Variants in CDH13 observed in about 807,000 individuals in gnomAD.
CDH13 encodes cadherin-13.
In CDH13, 24 loss-of-function variants were observed where a neutral mutation model predicts 63.8. That is an observed-to-expected ratio of 0.38 (90% CI 0.27 to 0.53). The LOEUF (loss-of-function observed/expected upper bound fraction) is 0.53, where lower values mean the gene tolerates loss of function less well. Ranked by LOEUF, CDH13 falls within the 20% of genes least tolerant of loss-of-function variation. The pLI is 0.85. For synonymous variants in CDH13, 503 were observed against 355.3 expected (o/e 1.42, Z -4.67); for missense variants, 1,049 against 903.1 (o/e 1.16, Z -2.07).
intron 6 of CDH13, among the ~76,000 whole-genome samples, chr16:83,455,065 A>T (rs2072985270): frequency 6.6e-6 from 1 of 152,218 alleles, no homozygotes; most frequent in Non-Finnish European, 1.5e-5. Flanking sequence ...GTAATCTTTA[A>T]AATCGGAGCC....
At chr16:83,289,306 G>A (rs1319818340) in intron 5 of CDH13, among the ~76,000 whole-genome samples, 1 of 152,178 alleles carries the variant, frequency 6.6e-6, no homozygotes, top group African/African-American at 2.4e-5. Context: ...TTAATCTCAT[G>A]TATTTTTGGT....
intron 8 of CDH13, among the ~76,000 whole-genome samples, chr16:83,653,710 C>G (rs1407903364): frequency 6.6e-6 from 1 of 152,116 alleles, no homozygotes; most frequent in Non-Finnish European, 1.5e-5. Flanking sequence ...CTTAGGAATT[C>G]TCTTACCCTG....
chr16:83,687,943 CTCTG>C (rs1382968628), intron 10 of CDH13, among the ~76,000 whole-genome samples: 1 of 152,188 alleles, frequency 6.6e-6, no homozygotes, highest in African/African-American at 2.4e-5. Flanking sequence ...TTCTTTGGGG[CTCTG>C]TCTTTTTTAA....
chr16:83,147,542 A>G (rs187407560), intron 4 of CDH13, among the ~76,000 whole-genome samples: 3 of 152,286 alleles, frequency 2.0e-5, no homozygotes, highest in East Asian at 1.9e-4. Context: ...CGACTATCTT[A>G]TCACAGCTGT....
At chr16:83,127,840 C>G (rs1456040941) in intron 4 of CDH13, among the ~76,000 whole-genome samples, 1 of 152,150 alleles carries the variant, frequency 6.6e-6, no homozygotes, top group Non-Finnish European at 1.5e-5. Context: ...GCCAAAGATA[C>G]CTTTCTCTAA....
intron 13 of CDH13, among the ~76,000 whole-genome samples, chr16:83,785,680 T>C (rs1915833357): frequency 6.6e-6 from 1 of 152,182 alleles, no homozygotes; most frequent in African/African-American, 2.4e-5. Context: ...CACTCTTGCA[T>C]AGTATCAGCT....
At chr16:83,534,782 A>G (rs548618028) in intron 7 of CDH13, among the ~76,000 whole-genome samples, 204 of 152,366 alleles carry the variant, frequency 1.3e-3, no homozygotes, top group African/African-American at 4.4e-3. Context: ...TGCTATGAGC[A>G]TGCATTTGCA....
intron 1 of CDH13, among the ~76,000 whole-genome samples, chr16:82,760,297 G>A (rs567875356): frequency 6.6e-6 from 1 of 152,296 alleles, no homozygotes; most frequent in East Asian, 1.9e-4. Flanking sequence ...CAAAATAACA[G>A]GGAGAGATGA....
At chr16:83,090,044 G>C (rs1301087540) in intron 3 of CDH13, among the ~76,000 whole-genome samples, 1 of 152,122 alleles carries the variant, frequency 6.6e-6, no homozygotes, top group Non-Finnish European at 1.5e-5. Flanking sequence ...CTAAAAGTCA[G>C]GGCTTGGGCA....
intron 8 of CDH13, among the ~76,000 whole-genome samples, chr16:83,643,847 A>C (rs1370587492): frequency 6.6e-6 from 1 of 152,150 alleles, no homozygotes; most frequent in African/African-American, 2.4e-5. Flanking sequence ...GAGCCCCCCA[A>C]GTTTCCTGTC....
At chr16:83,197,153 G>C (rs1373446385) in intron 4 of CDH13, among the ~76,000 whole-genome samples, 1 of 152,060 alleles carries the variant, frequency 6.6e-6, no homozygotes, top group Non-Finnish European at 1.5e-5. Context: ...AGAATCTCCA[G>C]GGAATTATGC....
At chr16:82,913,489 C>T (rs2041896843) in intron 2 of CDH13, among the ~76,000 whole-genome samples, 1 of 152,052 alleles carries the variant, frequency 6.6e-6, no homozygotes, top group African/African-American at 2.4e-5. Flanking sequence ...AAATCCAGGC[C>T]ACAACTATTT....
chr16:82,800,736 G>T (rs60578329), intron 1 of CDH13, among the ~76,000 whole-genome samples: 1,883 of 152,200 alleles, frequency 0.012, 35 homozygotes, highest in African/African-American at 0.043. Flanking sequence ...GAAAGAACAG[G>T]ATTTACCTAA....
At chr16:82,836,195 C>G (rs1442385168) in intron 1 of CDH13, among the ~76,000 whole-genome samples, 1 of 152,130 alleles carries the variant, frequency 6.6e-6, no homozygotes, top group African/African-American at 2.4e-5. Flanking sequence ...GGCGCCCAGG[C>G]TGGAGTGCAG....
chr16:83,773,937 C>T (rs1166461482), intron 11 of CDH13, among the ~76,000 whole-genome samples: 1 of 152,144 alleles, frequency 6.6e-6, no homozygotes, highest in East Asian at 1.9e-4. Context: ...CTTATCCCTC[C>T]CCCTTCCCTG....
In CDH13 at chr16:83,720,360, C is replaced by G. The variant is rs183376378; in HGVS notation, c.1539-27748C>G. ...ATGTGCACTCACACATGCACACACT[C>G]TCCAGTAAGCTTTTTGGAGTTCATC... On this transcript the variant is annotated intron_variant, in intron 10 of 13. Coordinates refer to ENST00000567109, the MANE Select transcript of CDH13 (RefSeq NM_001257.5). Among the ~76,000 whole-genome samples the G allele has an allele frequency of 1.4e-3, 216 of 152,286 alleles. 1 individual carries two copies. Among genetic ancestry groups the G allele is most frequent in the African/African-American group, 4.8e-3 (198 of 41,558 alleles).
chr16:83,025,896 A>G (rs1236681965), intron 2 of CDH13, among the ~76,000 whole-genome samples: 1 of 152,116 alleles, frequency 6.6e-6, no homozygotes, highest in Non-Finnish European at 1.5e-5. Context: ...TTTAAGAGAT[A>G]CTAGTGCACA....
chr16:83,482,813 C>A (rs2073802225), intron 6 of CDH13, among the ~76,000 whole-genome samples: 1 of 152,174 alleles, frequency 6.6e-6, no homozygotes, highest in African/African-American at 2.4e-5. Flanking sequence ...CACACTAAGA[C>A]CATGGGCAGG....
At chr16:82,921,279 G>C (rs2151280834) in intron 2 of CDH13, among the ~76,000 whole-genome samples, 1 of 152,302 alleles carries the variant, frequency 6.6e-6, no homozygotes, top group South Asian at 2.1e-4. Flanking sequence ...CTCTCCAGAA[G>C]CTCTCGGGGA....
Sources: allele counts gnomAD v4.1 joint callset (sites outside exome capture counted in the v4.1 genomes callset), GRCh38; gene constraint gnomAD v4.1.1; transcripts MANE v1.5; gene names NCBI Gene and HGNC (gene_info 2026-07-23, HGNC 2026-07-21).